STPG2: variants seen among roughly 807,000 people sequenced by gnomAD.
The protein encoded by STPG2 is sperm tail PG-rich repeat containing 2.
STPG2 carries 56 observed loss-of-function variants against 54.2 expected under a neutral mutation model. That is an observed-to-expected ratio of 1.03 (90% confidence interval 0.83 to 1.29). STPG2 has a LOEUF of 1.29. Among genes scored for constraint, STPG2 ranks in the 50% most tolerant of loss-of-function variants. The probability of loss-of-function intolerance (pLI) is 0.00; values close to 1 mark genes in which losing one functional copy is unlikely to be tolerated. For synonymous variants in STPG2, 200 were observed against 181.8 expected (o/e 1.10, Z -0.81); for missense variants, 596 against 544.9 (o/e 1.09, Z -0.93).
At chr4:97,907,438 C>T (rs1731478710) in intron 8 of STPG2, among the ~76,000 whole-genome samples, 1 of 152,304 alleles carries the variant, frequency 6.6e-6, no homozygotes, top group East Asian at 1.9e-4. Context: ...AATGGCCATA[C>T]TGCCCAAGGT....
At chr4:97,811,515 A>T (rs766640332) in intron 9 of STPG2, among the ~76,000 whole-genome samples, 1 of 151,026 alleles carries the variant, frequency 6.6e-6, no homozygotes, top group Non-Finnish European at 1.5e-5. Context: ...TAAAAAATAC[A>T]GTATTCTCAT....
At chr4:97,733,336 G>T (rs1240460750) in intron 9 of STPG2, among the ~76,000 whole-genome samples, 1 of 152,036 alleles carries the variant, frequency 6.6e-6, no homozygotes, top group Non-Finnish European at 1.5e-5. Flanking sequence ...AATAACACAG[G>T]AGTGGAAAAT....
intron 9 of STPG2, among the ~76,000 whole-genome samples, chr4:97,771,895 A>G (rs1349330917): frequency 6.6e-5 from 10 of 152,320 alleles, no homozygotes; most frequent in East Asian, 3.9e-4. Flanking sequence ...GTGGTGGTCT[A>G]TATTGAAAGG....
intron 8 of STPG2, among the ~76,000 whole-genome samples, chr4:97,908,782 G>A (rs1436881342): frequency 1.4e-4 from 20 of 147,892 alleles, no homozygotes; most frequent in Non-Finnish European, 2.5e-4. Context: ...ACCAAACACC[G>A]CATATTCTCA....
At chr4:97,775,919 G>A (rs1342455751) in intron 9 of STPG2, among the ~76,000 whole-genome samples, 1 of 152,012 alleles carries the variant, frequency 6.6e-6, no homozygotes, top group Non-Finnish European at 1.5e-5. Context: ...GCACCACCAT[G>A]CCTAGCTAAT....
At chr4:97,499,254 G>A (rs926123046) in intron 4 of STPG2, among the ~76,000 whole-genome samples, 2 of 151,840 alleles carry the variant, frequency 1.3e-5, no homozygotes, top group African/African-American at 4.8e-5. Flanking sequence ...CCCTGACATG[G>A]CAATTTATGA....
chr4:97,595,391 T>C (rs1015056829), intron 10 of STPG2, among the ~76,000 whole-genome samples: 7 of 152,024 alleles, frequency 4.6e-5, no homozygotes, highest in South Asian at 2.1e-4. Context: ...TAGGTGGGAA[T>C]TGAACAATGA....
chr4:97,604,653 A>AT (rs1578418933), intron 10 of STPG2, among the ~76,000 whole-genome samples: 1 of 151,652 alleles, frequency 6.6e-6, no homozygotes, highest in African/African-American at 2.4e-5. Context: ...TCGTTGACTC[A>AT]TTTTTTTCTA....
At chr4:98,099,771 T>C (rs1355720379) in intron 5 of STPG2, among the ~76,000 whole-genome samples, 1 of 152,158 alleles carries the variant, frequency 6.6e-6, no homozygotes, top group African/African-American at 2.4e-5. Context: ...CTGCAAAGTT[T>C]AAAAATCAAA....
At chr4:97,741,691 A>G (rs1361847473) in intron 9 of STPG2, among the ~76,000 whole-genome samples, 6 of 152,026 alleles carry the variant, frequency 3.9e-5, no homozygotes, top group African/African-American at 1.4e-4. Context: ...TTAGAATGGC[A>G]ATCATTAAAA....
chr4:98,056,832 G>T (rs13119913), intron 5 of STPG2, among the ~76,000 whole-genome samples: 59,197 of 151,656 alleles, frequency 0.39, 11,771 homozygotes, highest in Middle Eastern at 0.46. Flanking sequence ...AAAGTGTGTA[G>T]CACTTGCCTC....
intron 10 of STPG2, among the ~76,000 whole-genome samples, chr4:97,692,379 CAT>C: frequency 1.4e-5 from 2 of 147,496 alleles, no homozygotes; most frequent in Non-Finnish European, 3.0e-5. Flanking sequence ...GAAGGACACA[CAT>C]AGAGAATTGC....
intron 9 of STPG2, among the ~76,000 whole-genome samples, chr4:97,740,467 T>C (rs1193808328): frequency 2.6e-5 from 4 of 152,010 alleles, no homozygotes; most frequent in Admixed American, 1.3e-4. Flanking sequence ...AAAACCCCAT[T>C]GTCTCAGCCC....
intron 9 of STPG2, among the ~76,000 whole-genome samples, chr4:97,736,777 G>A (rs1725014526): frequency 1.3e-5 from 2 of 152,300 alleles, no homozygotes; most frequent in Admixed American, 6.5e-5. Context: ...CACTTCTGGG[G>A]CAGGGCACAA....
At chr4:97,565,257 G>A (rs1375389081) in intron 10 of STPG2, among the ~76,000 whole-genome samples, 1 of 152,120 alleles carries the variant, frequency 6.6e-6, no homozygotes, top group African/African-American at 2.4e-5. Flanking sequence ...TCTTCACGCA[G>A]TTCTCGAGCC....
intron 8 of STPG2, among the ~76,000 whole-genome samples, chr4:97,880,802 A>C (rs1730341887): frequency 6.6e-6 from 1 of 152,092 alleles, no homozygotes; most frequent in South Asian, 2.1e-4. Flanking sequence ...GCAGGATTGA[A>C]TATATCACAC....
intron 10 of STPG2, among the ~76,000 whole-genome samples, chr4:97,648,769 A>G (rs1405826898): frequency 6.6e-6 from 1 of 152,142 alleles, no homozygotes; most frequent in African/African-American, 2.4e-5. Context: ...TAAACTCATA[A>G]CTAGAAATAA....
At chr4:97,782,681 ACTACAAGC>A (rs1726685632) in intron 9 of STPG2, among the ~76,000 whole-genome samples, 2 of 152,330 alleles carry the variant, frequency 1.3e-5, no homozygotes, top group African/African-American at 4.8e-5. Context: ...TTCAAACTTT[ACTACAAGC>A]CTCCAGTAAC....
intron 10 of STPG2, among the ~76,000 whole-genome samples, chr4:97,697,707 G>T (rs1426568970): frequency 6.6e-6 from 1 of 152,116 alleles, no homozygotes; most frequent in South Asian, 2.1e-4. Context: ...GCTCGTGATG[G>T]CTATGACACC....
Sources: allele counts gnomAD v4.1 joint callset (sites outside exome capture counted in the v4.1 genomes callset), GRCh38; gene constraint gnomAD v4.1.1; transcripts MANE v1.5; gene names NCBI Gene and HGNC (gene_info 2026-07-23, HGNC 2026-07-21).